PDK3: variants seen among roughly 807,000 people sequenced by gnomAD.
The protein encoded by PDK3 is pyruvate dehydrogenase kinase, isozyme 3.
In PDK3, 12 loss-of-function variants were observed where a neutral mutation model predicts 32.0. The observed-to-expected ratio is 0.37, with a 90% CI of 0.24 to 0.61. The LOEUF (loss-of-function observed/expected upper bound fraction) is 0.61, where lower values mean the gene tolerates loss of function less well. PDK3 is among the 20% of genes least tolerant of loss of function. The probability of loss-of-function intolerance (pLI) is 0.65; values close to 1 mark genes in which losing one functional copy is unlikely to be tolerated. For missense variants in PDK3, 188 were observed against 316.9 expected (o/e 0.59, Z 3.09); for synonymous variants, 122 against 116.3 (o/e 1.05, Z -0.31).
chrX:24,507,270 G>A (rs1453634922), intron 5 of PDK3, among the ~76,000 whole-genome samples: 3 of 112,151 alleles, frequency 2.7e-5, no homozygotes, highest in African/African-American at 9.7e-5. Context: ...TACAATATGT[G>A]GTCTTTGGTA....
chrX:24,546,717 C>CT (rs1374746889), exon 12 of PDK3: 3 of 111,555 alleles, frequency 2.7e-5, no homozygotes, highest in Non-Finnish European at 5.6e-5. Context: ...CTGGTCATCC[C>CT]TGGGGGTAGA....
chrX:24,480,091 C>T (rs903842956), intron 1 of PDK3, among the ~76,000 whole-genome samples: 1 of 111,523 alleles, frequency 9.0e-6, no homozygotes, highest in Non-Finnish European at 1.9e-5. Flanking sequence ...AAAGGACCAT[C>T]GAGTGCATTG....
At chrX:24,473,426 A>AATTT (rs200252366) in intron 1 of PDK3, among the ~76,000 whole-genome samples, 12 of 105,157 alleles carry the variant, frequency 1.1e-4, no homozygotes, top group South Asian at 4.5e-4. Flanking sequence ...ACATTTGTTG[A>AATTT]ATTTATTTAT....
intron 1 of PDK3, among the ~76,000 whole-genome samples, chrX:24,466,108 C>T (rs915681542): frequency 2.7e-5 from 3 of 110,943 alleles, no homozygotes; most frequent in Non-Finnish European, 5.7e-5. Flanking sequence ...GCCTTAGATG[C>T]TTGGGAAGAG....
At chrX:24,485,297 G>A (rs1401640095) in intron 1 of PDK3, among the ~76,000 whole-genome samples, 1 of 112,227 alleles carries the variant, frequency 8.9e-6, no homozygotes, top group African/African-American at 3.2e-5. Context: ...GCAGTGAGCT[G>A]GGATCGTGCC....
chrX:24,526,971 G>C (rs1037121532), intron 7 of PDK3, among the ~76,000 whole-genome samples: 4 of 112,422 alleles, frequency 3.6e-5, no homozygotes, highest in Non-Finnish European at 7.5e-5. Flanking sequence ...ATGCTGATTT[G>C]CTTCCAAAAA....
chrX:24,486,707 C>T lies in PDK3; in HGVS notation c.107-8035C>T, dbSNP rs1380191602. On this transcript the variant is annotated intron_variant, in intron 1 of 10. Transcript: ENST00000379162. ...AGTGCAGTGGCACAATCACAGCTCA[C>T]TGCAGCCTCGACCTCCTGGCTCAAG... is the stretch of plus-strand genomic sequence containing the variant. Among the ~76,000 whole-genome samples the T allele has an allele frequency of 1.8e-5, 2 of 111,568 alleles. 1 individual carries two copies. Among genetic ancestry groups the T allele is most frequent in the Admixed American group, 1.9e-4 (2 of 10,478 alleles).
chrX:24,492,850 A>G (rs773806428), intron 1 of PDK3, among the ~76,000 whole-genome samples: 2 of 109,154 alleles, frequency 1.8e-5, no homozygotes, highest in South Asian at 4.1e-4. Flanking sequence ...AATACGAAAA[A>G]TTAGCCAGGC....
intron 1 of PDK3, among the ~76,000 whole-genome samples, chrX:24,470,536 C>T (rs1276229368): frequency 9.2e-6 from 1 of 109,117 alleles, no homozygotes. Context: ...AAAATACAAA[C>T]ATTAGCTGGG....
downstream of PDK3, chrX:24,539,071 G>T: frequency 1.4e-6 from 1 of 698,337 alleles, no homozygotes; most frequent in South Asian, 2.4e-5. Context: ...AAAAGTCCTG[G>T]TCAAAACAGA....
At chrX:24,480,077 G>C (rs1033760234) in intron 1 of PDK3, among the ~76,000 whole-genome samples, 2 of 111,498 alleles carry the variant, frequency 1.8e-5, no homozygotes, top group Non-Finnish European at 3.8e-5. Flanking sequence ...AAACAAACTG[G>C]AGGAAAGGAC....
intron 1 of PDK3, among the ~76,000 whole-genome samples, chrX:24,466,056 C>A (rs1405411257): frequency 1.8e-5 from 2 of 110,283 alleles, no homozygotes; most frequent in Non-Finnish European, 3.8e-5. Flanking sequence ...CTGTTGTCTT[C>A]ATCAGGTTAT....
At chrX:24,480,481 C>T (rs1021952423) in intron 1 of PDK3, among the ~76,000 whole-genome samples, 2 of 112,131 alleles carry the variant, frequency 1.8e-5, no homozygotes, top group Admixed American at 9.5e-5. Context: ...TGAGTGACAC[C>T]TGCTCCCTAC....
chrX:24,539,904 T>G (rs1159180615), exon 12 of PDK3: 1 of 112,438 alleles, frequency 8.9e-6, no homozygotes, highest in Non-Finnish European at 1.9e-5. Context: ...AATACCAAAT[T>G]TGTACAGAGT....
chrX:24,548,304 G>GA (rs1279652378), exon 12 of PDK3: 1 of 112,244 alleles, frequency 8.9e-6, no homozygotes, highest in Non-Finnish European at 1.9e-5. Context: ...GATTTTCACA[G>GA]AACAACCCTG....
chrX:24,483,724 T>C (rs1012703825), intron 1 of PDK3, among the ~76,000 whole-genome samples: 2 of 111,776 alleles, frequency 1.8e-5, no homozygotes, highest in African/African-American at 6.5e-5. Flanking sequence ...TTTGTGTGTG[T>C]GTATGTGACA....
At position 24,494,901 on chromosome X, in the gene PDK3, C is replaced by G; in HGVS notation, c.248+18C>G. 8.4e-7 allele frequency: 1 copy of G among 1,186,900 alleles called. No individual in the cohort carries two copies. The highest frequency in any genetic ancestry group is 1.7e-5 in the African/African-American group (1 of 57,191). Reference sequence around the variant, plus strand: ...CAGAGTTGGTAAGTAAACAATGTGGCTTAAAATGGATCTTCCCACAATGCT... The same window carrying G: ...CAGAGTTGGTAAGTAAACAATGTGGGTTAAAATGGATCTTCCCACAATGCT... On this transcript the variant is annotated intron_variant, in intron 2 of 10. Coordinates refer to ENST00000379162, the MANE Select transcript of PDK3 (RefSeq NM_005391.5).
At chrX:24,521,901 A>G (rs763812414) in intron 6 of PDK3, among the ~76,000 whole-genome samples, 9 of 109,084 alleles carry the variant, frequency 8.3e-5, no homozygotes, top group African/African-American at 3.0e-4. Context: ...TGGGTAGTGT[A>G]GTGATTATTT....
At chrX:24,499,583 A>G (rs1273683649) in intron 3 of PDK3, among the ~76,000 whole-genome samples, 2 of 112,050 alleles carry the variant, frequency 1.8e-5, no homozygotes, top group South Asian at 3.7e-4. Context: ...ACTAGTCCAC[A>G]TAGTTATGAG....
Sources: gnomAD v4.1 joint callset for allele counts (sites outside exome capture counted in the v4.1 genomes callset) on GRCh38, gnomAD v4.1.1 for gene constraint, MANE v1.5 for transcripts, NCBI Gene and HGNC (gene_info 2026-07-23, HGNC 2026-07-21) for gene names.